The following CDH12 variants were observed in gnomAD, a reference collection of about 807,000 sequenced individuals.
CDH12 encodes the protein cadherin-12.
In CDH12, 41 loss-of-function variants were observed where a neutral mutation model predicts 74.1. That is an observed-to-expected ratio of 0.55 (90% CI 0.43 to 0.72). The LOEUF is 0.72. Among genes scored for constraint, CDH12 ranks in the 30% least tolerant of loss-of-function variants. CDH12 has a pLI of 0.00. For synonymous variants in CDH12, 399 were observed against 355.0 expected (o/e 1.12, Z -1.39); for missense variants, 945 against 977.2 (o/e 0.97, Z 0.44).
chr5:22,271,654 T>C (rs1439005102), intron 3 of CDH12, among the ~76,000 whole-genome samples: 2 of 152,212 alleles, frequency 1.3e-5, no homozygotes, highest in Non-Finnish European at 1.5e-5. Context: ...AAGTCGAGAA[T>C]ACTCTTTGGT....
chr5:22,801,636 CAT>C (rs568139109), intron 1 of CDH12, among the ~76,000 whole-genome samples: 813 of 50,766 alleles, frequency 0.016, 2 homozygotes, highest in Middle Eastern at 0.026. Context: ...CTCTGCTTAT[CAT>C]ATATATATAT....
At chr5:22,201,825 T>C (rs1287420964) in intron 4 of CDH12, among the ~76,000 whole-genome samples, 5 of 152,058 alleles carry the variant, frequency 3.3e-5, no homozygotes, top group African/African-American at 1.2e-4. Flanking sequence ...AGAAAAGGAA[T>C]ATGGTAACGC....
intron 3 of CDH12, among the ~76,000 whole-genome samples, chr5:22,237,902 T>C (rs762595200): frequency 1.3e-5 from 2 of 152,186 alleles, no homozygotes; most frequent in Admixed American, 1.3e-4. Context: ...GTCTATAAAA[T>C]TGTTCTTCTT....
intron 11 of CDH12, among the ~76,000 whole-genome samples, chr5:21,778,523 T>G (rs1032206874): frequency 7.8e-6 from 1 of 127,846 alleles, no homozygotes; most frequent in African/African-American, 3.3e-5. Flanking sequence ...AAATCTCTAT[T>G]TTTTTTTTTT....
At chr5:21,809,522 C>A (rs1159076128) in intron 9 of CDH12, among the ~76,000 whole-genome samples, 2 of 152,110 alleles carry the variant, frequency 1.3e-5, no homozygotes, top group Non-Finnish European at 2.9e-5. Flanking sequence ...CTATGATTTA[C>A]AGCAAGCTGT....
rs148151726 is a variant in CDH12 at position 21,901,821 on chromosome 5, T to A, written c.527-47031A>T. Among the ~76,000 whole-genome samples the A allele has an allele frequency of 4.1e-3, 632 of 152,302 alleles. 3 individuals are homozygous for A. The highest frequency in any genetic ancestry group is 0.014 in the African/African-American group (596 of 41,570). On this transcript the variant is annotated intron_variant, in intron 6 of 14. Coordinates refer to ENST00000382254, the MANE Select transcript of CDH12 (RefSeq NM_004061.5). ...ATCCAGCAGTGGTTTATATCCATCA[T>A]GAGGTTTTCCAAACATCAGTCATTC...
intron 1 of CDH12, among the ~76,000 whole-genome samples, chr5:22,720,846 G>T (rs1454253432): frequency 6.6e-6 from 1 of 152,164 alleles, no homozygotes; most frequent in Non-Finnish European, 1.5e-5. Context: ...TTTTGCCCTT[G>T]CTGTAGACAT....
At chr5:21,852,386 C>A (rs1268077089) in intron 7 of CDH12, among the ~76,000 whole-genome samples, 1 of 151,336 alleles carries the variant, frequency 6.6e-6, no homozygotes. Flanking sequence ...AGTTACATTA[C>A]ATATTCACGT....
chr5:21,759,078 A>C (rs1306022847), intron 13 of CDH12, among the ~76,000 whole-genome samples: 1 of 152,118 alleles, frequency 6.6e-6, no homozygotes, highest in Non-Finnish European at 1.5e-5. Flanking sequence ...CATGAAATAT[A>C]CCCATGTAAC....
At chr5:22,030,195 C>T (rs903174019) in intron 5 of CDH12, among the ~76,000 whole-genome samples, 4 of 151,788 alleles carry the variant, frequency 2.6e-5, no homozygotes, top group Non-Finnish European at 5.9e-5. Flanking sequence ...AACACACCAG[C>T]ATGGCACATG....
rs914955318 is a variant in CDH12 at position 22,827,485 on chromosome 5, C to T, written c.-523+25573G>A. 3.9e-5 allele frequency among the ~76,000 whole-genome samples: 6 copies of T among 152,112 alleles called. No individual in the cohort carries two copies. In the East Asian group the frequency reaches 5.8e-4, roughly 15 times the overall value. ...CTGCTAGGGCAGTGAAGAAGGGAAA[C>T]GGGGGTGGGAGCCCCCACAAAGACT... On this transcript the variant is annotated intron_variant, in intron 1 of 14. Transcript: ENST00000382254.
rs1748098397 is a variant in CDH12 at position 21,817,061 on chromosome 5, G to C, written c.886C>G (p.Pro296Ala). Reference protein sequence around the residue: ...SAIGRIRAVDPDFGQNAEIEY... With the variant: ...SAIGRIRAVDADFGQNAEIEY... Reference sequence around the variant, plus strand: ...ATTTCTGCATTTTGTCCAAAATCAGGATCCACAGCTCTTATTCTTCCAATA... The same window carrying C: ...ATTTCTGCATTTTGTCCAAAATCAGCATCCACAGCTCTTATTCTTCCAATA... Residue 296 changes from proline (P) to alanine (A), a missense_variant, in exon 9 of 15, where the codon CCT (proline) becomes GCT (alanine). Pro to Ala is a conservative substitution (Grantham distance 27, BLOSUM62 -1). Coordinates refer to ENST00000382254, the MANE Select transcript of CDH12 (RefSeq NM_004061.5). The C allele has an allele frequency of 6.2e-7, 1 of 1,612,620 alleles. No individual in the cohort carries two copies. The highest frequency in any genetic ancestry group is 8.5e-7 in the Non-Finnish European group (1 of 1,179,234).
chr5:22,471,363 G>C (rs1440798042), intron 2 of CDH12, among the ~76,000 whole-genome samples: 1 of 152,072 alleles, frequency 6.6e-6, no homozygotes, highest in Admixed American at 6.6e-5. Flanking sequence ...TTCTGCATGA[G>C]ATCATGTAAT....
At chr5:22,774,941 T>C (rs1304496885) in intron 1 of CDH12, among the ~76,000 whole-genome samples, 1 of 152,004 alleles carries the variant, frequency 6.6e-6, no homozygotes, top group African/African-American at 2.4e-5. Context: ...TCACAGAATG[T>C]ACCCATGTAA....
intron 11 of CDH12, among the ~76,000 whole-genome samples, chr5:21,772,101 G>C (rs1056802723): frequency 1.4e-5 from 2 of 140,664 alleles, no homozygotes; most frequent in Non-Finnish European, 1.6e-5. Flanking sequence ...TGGTTGAGAG[G>C]AGAGGTCCAT....
intron 1 of CDH12, among the ~76,000 whole-genome samples, chr5:22,602,374 C>T (rs1235760533): frequency 6.6e-6 from 1 of 152,080 alleles, no homozygotes; most frequent in South Asian, 2.1e-4. Context: ...AATAATCCAG[C>T]AATTAAGGAA....
At chr5:22,681,005 A>G (rs982275361) in intron 1 of CDH12, among the ~76,000 whole-genome samples, 2 of 152,072 alleles carry the variant, frequency 1.3e-5, no homozygotes, top group Admixed American at 1.3e-4. Context: ...TGTATATTTC[A>G]TTACACAAGT....
At chr5:22,012,804 A>G (rs1281452989) in intron 5 of CDH12, among the ~76,000 whole-genome samples, 1 of 143,014 alleles carries the variant, frequency 7.0e-6, no homozygotes, top group African/African-American at 2.6e-5. Flanking sequence ...GAAAATAACA[A>G]TATCTACCTT....
chr5:22,154,430 A>G (rs1179608560), intron 4 of CDH12, among the ~76,000 whole-genome samples: 3 of 143,294 alleles, frequency 2.1e-5, no homozygotes, highest in African/African-American at 7.8e-5. Context: ...ATATACATAT[A>G]TAGTGAATAT....
Sources: allele counts gnomAD v4.1 joint callset (sites outside exome capture counted in the v4.1 genomes callset), GRCh38; gene constraint gnomAD v4.1.1; transcripts MANE v1.5; gene names NCBI Gene and HGNC (gene_info 2026-07-23, HGNC 2026-07-21).